MCPH1: variants seen among roughly 807,000 people sequenced by gnomAD.
MCPH1 encodes microcephalin 1.
A neutral mutation model predicts 84.5 loss-of-function variants in MCPH1; 104 were observed. The observed-to-expected ratio is 1.23, with a 90% CI of 1.05 to 1.45. MCPH1 has a LOEUF of 1.45. Ranked by LOEUF, MCPH1 falls within the 40% of genes most tolerant of loss-of-function variation. The pLI is 0.00. For missense variants in MCPH1, 1,498 were observed against 1,005.7 expected, an observed-to-expected ratio of 1.49 and a Z score of -6.62; for synonymous variants, 514 against 366.8, an observed-to-expected ratio of 1.40 and a Z score of -4.58.
chr8:6,622,548 T>C (rs1014243230), intron 13 of MCPH1, among the ~76,000 whole-genome samples: 1 of 152,202 alleles, frequency 6.6e-6, no homozygotes. Flanking sequence ...GTGATAAACA[T>C]GTTAGTTTGC....
chr8:6,625,364 C>G (rs1831958459), intron 13 of MCPH1: 2 of 985,334 alleles, frequency 2.0e-6, no homozygotes, highest in African/African-American at 3.5e-5. Flanking sequence ...ATCCCTGCCC[C>G]TTCGACAAAG....
At chr8:6,467,029 CATT>C (rs1397305298) in intron 9 of MCPH1, among the ~76,000 whole-genome samples, 2 of 152,032 alleles carry the variant, frequency 1.3e-5, no homozygotes, top group East Asian at 1.9e-4. Flanking sequence ...GGAATAAAAA[CATT>C]ATTATTCAGA....
intron 12 of MCPH1, among the ~76,000 whole-genome samples, chr8:6,583,852 G>GTTTTTTTTTTTTTTTT (rs754820695): frequency 7.7e-6 from 1 of 129,608 alleles, no homozygotes. Context: ...TTCATTTCTT[G>GTTTTTTTTTTTTTTTT]TTTTGTTTTT....
intron 12 of MCPH1, among the ~76,000 whole-genome samples, chr8:6,577,817 C>T (rs970470303): frequency 1.4e-4 from 22 of 152,176 alleles, no homozygotes; most frequent in African/African-American, 5.3e-4. Context: ...CTAGAAAGAC[C>T]TTTAGTAATT....
chr8:6,519,125 T>C (rs1244123797), intron 12 of MCPH1, among the ~76,000 whole-genome samples: 1 of 152,192 alleles, frequency 6.6e-6, no homozygotes, highest in Non-Finnish European at 1.5e-5. Flanking sequence ...GAACACTGTC[T>C]TTATGGTGTG....
At chr8:6,463,473 A>G (rs1039140873) in intron 9 of MCPH1, among the ~76,000 whole-genome samples, 1 of 152,178 alleles carries the variant, frequency 6.6e-6, no homozygotes, top group African/African-American at 2.4e-5. Flanking sequence ...AGCTCTAATC[A>G]TGTCTTTATT....
chr8:6,621,372 G>A (rs1276698185), intron 12 of MCPH1, 82 bp from the exon 13 acceptor site: 16 of 1,527,076 alleles, frequency 1.0e-5, no homozygotes, highest in Non-Finnish European at 1.4e-5. Context: ...CATAAAAAAG[G>A]AAGTAAACTG....
At chr8:6,462,613 C>T (rs569200853) in intron 9 of MCPH1, among the ~76,000 whole-genome samples, 2 of 152,198 alleles carry the variant, frequency 1.3e-5, no homozygotes, top group Non-Finnish European at 2.9e-5. Context: ...TAAAGCATTG[C>T]CCCCAGAGCC....
chr8:6,631,187 A>T (rs1036070684), intron 13 of MCPH1, among the ~76,000 whole-genome samples: 6 of 152,208 alleles, frequency 3.9e-5, no homozygotes, highest in African/African-American at 1.4e-4. Context: ...ACCAGACATG[A>T]TCTGTTCTAG....
At chr8:6,499,075 TAAATA>T (rs1257046419) in intron 11 of MCPH1, among the ~76,000 whole-genome samples, 5 of 67,670 alleles carry the variant, frequency 7.4e-5, no homozygotes, top group African/African-American at 1.9e-4. Context: ...ATTAAATAAA[TAAATA>T]AATAAATAAA....
At chr8:6,425,154 G>C (rs758593189) in intron 3 of MCPH1, among the ~76,000 whole-genome samples, 1 of 152,192 alleles carries the variant, frequency 6.6e-6, no homozygotes, top group Non-Finnish European at 1.5e-5. Flanking sequence ...GGCTCTCTGG[G>C]GAGAATAAGC....
intron 4 of MCPH1, among the ~76,000 whole-genome samples, chr8:6,435,046 G>C (rs559130100): frequency 4.6e-5 from 7 of 152,288 alleles, no homozygotes; most frequent in African/African-American, 1.7e-4. Context: ...GGATGGTTAA[G>C]AGTAGAGTTA....
At chr8:6,416,859 T>C (rs1180332735) in intron 3 of MCPH1, among the ~76,000 whole-genome samples, 1 of 152,160 alleles carries the variant, frequency 6.6e-6, no homozygotes, top group Non-Finnish European at 1.5e-5. Context: ...CCAGTCATGT[T>C]GGCGTGTGCC....
At chr8:6,597,163 A>G (rs1026758468) in intron 12 of MCPH1, among the ~76,000 whole-genome samples, 3 of 152,182 alleles carry the variant, frequency 2.0e-5, no homozygotes, top group African/African-American at 7.2e-5. Context: ...TCACCTGCCT[A>G]TAAGCCTGCA....
intron 12 of MCPH1, among the ~76,000 whole-genome samples, chr8:6,544,247 A>G (rs944357596): frequency 6.6e-6 from 1 of 152,204 alleles, no homozygotes; most frequent in African/African-American, 2.4e-5. Context: ...ATTATGGAAG[A>G]CCATAGAAAA....
intron 12 of MCPH1, chr8:6,620,342 A>C (rs978048503): frequency 7.9e-5 from 12 of 152,328 alleles, no homozygotes; most frequent in African/African-American, 2.9e-4. Context: ...TCTTTTGTTA[A>C]ATATTACAGT....
At chr8:6,641,994 G>C (rs944848630) in intron 13 of MCPH1, among the ~76,000 whole-genome samples, 2 of 152,028 alleles carry the variant, frequency 1.3e-5, no homozygotes, top group African/African-American at 4.8e-5. Context: ...GTTAAATTCT[G>C]GGACACTATC....
chr8:6,457,163 C>T (rs1265360874), intron 9 of MCPH1, among the ~76,000 whole-genome samples: 1 of 152,148 alleles, frequency 6.6e-6, no homozygotes, highest in African/African-American at 2.4e-5. Context: ...GCCTAACTTG[C>T]TCAAATTTAA....
chr8:6,421,696 G>T (rs911407831), intron 3 of MCPH1, among the ~76,000 whole-genome samples: 11 of 152,138 alleles, frequency 7.2e-5, no homozygotes, highest in African/African-American at 2.7e-4. Context: ...TGTAGATTTG[G>T]ATCCTGTGGC....
Sources: allele counts gnomAD v4.1 joint callset (sites outside exome capture counted in the v4.1 genomes callset), GRCh38; gene constraint gnomAD v4.1.1; transcripts MANE v1.5; gene names NCBI Gene and HGNC (gene_info 2026-07-23, HGNC 2026-07-21).